ZCCHC17: variants seen among roughly 807,000 people sequenced by gnomAD.
The protein encoded by ZCCHC17 is zinc finger CCHC-type containing 17.
In ZCCHC17, 18 loss-of-function variants were observed where a neutral mutation model predicts 30.6. The ratio of observed to expected loss-of-function variants is 0.59; its 90% CI spans 0.41 to 0.87. The LOEUF is 0.87. ZCCHC17 is among the 40% of genes least tolerant of loss of function. The pLI is 0.00. For missense variants in ZCCHC17, 263 were observed against 284.2 expected, an observed-to-expected ratio of 0.93 and a Z score of 0.54; for synonymous variants, 88 against 92.4, an observed-to-expected ratio of 0.95 and a Z score of 0.27.
chr1:31,335,951 CTA>C (rs1417560478), intron 3 of ZCCHC17, among the ~76,000 whole-genome samples: 2 of 152,012 alleles, frequency 1.3e-5, no homozygotes, highest in Non-Finnish European at 2.9e-5. Flanking sequence ...CACAGATTTA[CTA>C]TGTTTGCCAT....
chr1:31,343,688 AT>A (rs10718784), intron 5 of ZCCHC17, among the ~76,000 whole-genome samples: 56,013 of 131,646 alleles, frequency 0.43, 11,848 homozygotes, highest in East Asian at 0.78. Flanking sequence ...GTAGTATATA[AT>A]TTTTTTTTTT....
At chr1:31,345,561 TAA>T (rs1639229518) in intron 5 of ZCCHC17, among the ~76,000 whole-genome samples, 1 of 104,896 alleles carries the variant, frequency 9.5e-6, no homozygotes, top group African/African-American at 3.7e-5. Flanking sequence ...TATATATATA[TAA>T]TATAATATAT....
At chr1:31,307,526 C>G (rs548470514) in intron 1 of ZCCHC17, among the ~76,000 whole-genome samples, 1 of 151,354 alleles carries the variant, frequency 6.6e-6, no homozygotes, top group Non-Finnish European at 1.5e-5. Flanking sequence ...TCTCCTGCCT[C>G]CAGAGTAGCT....
chr1:31,304,683 C>T (rs1646407176), intron 1 of ZCCHC17, among the ~76,000 whole-genome samples: 1 of 151,954 alleles, frequency 6.6e-6, no homozygotes, highest in African/African-American at 2.4e-5. Flanking sequence ...GCAAGCTCCA[C>T]CTCCCAGGTT....
At position 31,334,145 on chromosome 1, in the gene ZCCHC17, A is replaced by C. The variant is rs72660835; in HGVS notation, c.125-3030A>C. Among the ~76,000 whole-genome samples, 661 of 152,262 alleles carry C rather than the reference A, an allele frequency of 4.3e-3. 3 individuals are homozygous for C. Among genetic ancestry groups the C allele is most frequent in the Non-Finnish European group, 7.0e-3 (477 of 68,026 alleles). ...ATATAAAACATTTTAGAGGCCCCAG[A>C]GTTGTTTAGATAGGTAGGCTATCAA... On this transcript the variant is annotated intron_variant, in intron 3 of 7. Coordinates refer to ENST00000344147, the MANE Select transcript of ZCCHC17 (RefSeq NM_016505.4).
intron 3 of ZCCHC17, among the ~76,000 whole-genome samples, chr1:31,319,678 G>A (rs1014192479): frequency 3.3e-5 from 5 of 152,094 alleles, no homozygotes; most frequent in East Asian, 1.9e-4. Flanking sequence ...ATGTTAAGCC[G>A]AAAAGGCAGG....
At chr1:31,297,257 T>A in intron 1 of ZCCHC17, 182 bp downstream of exon 1, 1 of 398,728 alleles carries the variant, frequency 2.5e-6, no homozygotes, top group Non-Finnish European at 4.4e-6. Context: ...GAGCGGAGCC[T>A]TGGGGTCTCT....
At chr1:31,361,743 A>T (rs1639903739) in intron 7 of ZCCHC17, among the ~76,000 whole-genome samples, 4 of 152,142 alleles carry the variant, frequency 2.6e-5, no homozygotes, top group Admixed American at 2.6e-4. Flanking sequence ...ATACTATCTC[A>T]TTAACTTGTC....
chr1:31,337,423 A>T, intron 4 of ZCCHC17, 148 bp downstream of exon 4: 1 of 700,656 alleles, frequency 1.4e-6, no homozygotes. Context: ...TTCTGAATTC[A>T]AACCTTCTGG....
rs1177252934 is a variant in ZCCHC17 at position 31,364,295 on chromosome 1, C to T, written c.*102C>T. 30 of 1,454,188 alleles carry T rather than the reference C, an allele frequency of 2.1e-5. No homozygotes were observed. The highest frequency in any genetic ancestry group is 2.7e-5 in the Non-Finnish European group (30 of 1,101,896). The allele number at this position is 1,454,188 out of a possible 1,614,324, so 90.1% of individuals were successfully genotyped here. On this transcript the variant is annotated 3_prime_UTR_variant, in exon 8 of 8. Transcript: ENST00000344147. Reference sequence around the variant, plus strand: ...ATAGTGAGAATATAGCCTCCCACCCCATTAACTTCGCTCCCATGGGAGATG... The same window carrying T: ...ATAGTGAGAATATAGCCTCCCACCCTATTAACTTCGCTCCCATGGGAGATG...
At chr1:31,339,106 T>G in intron 5 of ZCCHC17, 58 bp downstream of exon 5, 2 of 1,326,526 alleles carry the variant, frequency 1.5e-6, no homozygotes, top group South Asian at 2.6e-5. Context: ...ATAAAATGGT[T>G]TAGTAAATCA....
chr1:31,339,174 C>G (rs1272878702), intron 5 of ZCCHC17, 126 bp downstream of exon 5: 1 of 684,536 alleles, frequency 1.5e-6, no homozygotes, highest in Non-Finnish European at 2.4e-6. Flanking sequence ...GTTACGTAAC[C>G]TTTGCAATCT....
intron 2 of ZCCHC17, among the ~76,000 whole-genome samples, chr1:31,313,598 A>C (rs544597382): frequency 7.2e-4 from 109 of 152,318 alleles, no homozygotes; most frequent in African/African-American, 2.3e-3. Flanking sequence ...TACCATTTTA[A>C]CACATAGCAA....
intron 1 of ZCCHC17, among the ~76,000 whole-genome samples, chr1:31,302,756 GGA>G (rs902802070): frequency 1.8e-4 from 27 of 151,314 alleles, no homozygotes; most frequent in African/African-American, 4.4e-4. Flanking sequence ...TGGTGTCAGA[GGA>G]GAGAGAGAGA....
At chr1:31,341,505 G>A (rs986365566) in intron 5 of ZCCHC17, among the ~76,000 whole-genome samples, 1 of 152,120 alleles carries the variant, frequency 6.6e-6, no homozygotes, top group African/African-American at 2.4e-5. Flanking sequence ...GAAGGGAAAG[G>A]GCTCCCTGGT....
At chr1:31,351,355 TTGAACGC>T in intron 7 of ZCCHC17, among the ~76,000 whole-genome samples, 1 of 152,272 alleles carries the variant, frequency 6.6e-6, no homozygotes, top group Admixed American at 6.5e-5. Context: ...AGTCAGACTA[TTGAACGC>T]TGTGGCCTAG....
At chr1:31,339,222 G>A (rs1242360145) in intron 5 of ZCCHC17, among the ~76,000 whole-genome samples, 174 bp downstream of exon 5, 2 of 152,194 alleles carry the variant, frequency 1.3e-5, no homozygotes, top group Non-Finnish European at 2.9e-5. Context: ...TAGACCAGGC[G>A]TGGTGGCTCA....
chr1:31,334,321 C>CTT (rs1638717571), intron 3 of ZCCHC17, among the ~76,000 whole-genome samples: 1 of 58,756 alleles, frequency 1.7e-5, no homozygotes, highest in Non-Finnish European at 3.2e-5. Flanking sequence ...CTCTCTCTCT[C>CTT]TCTCTCTCTC....
intron 5 of ZCCHC17, among the ~76,000 whole-genome samples, chr1:31,341,925 T>C (rs1311626024): frequency 1.3e-5 from 2 of 152,212 alleles, no homozygotes; most frequent in Non-Finnish European, 2.9e-5. Context: ...ACCTTTTCTT[T>C]TTTCCTCATA....
Sources: gnomAD v4.1 joint callset for allele counts (sites outside exome capture counted in the v4.1 genomes callset) on GRCh38, gnomAD v4.1.1 for gene constraint, MANE v1.5 for transcripts, NCBI Gene and HGNC (gene_info 2026-07-23, HGNC 2026-07-21) for gene names.